AKT3: variants seen among roughly 807,000 people sequenced by gnomAD.
AKT3 encodes AKT serine/threonine kinase 3.
Under a neutral mutation model 65.3 loss-of-function variants are expected in AKT3, and 15 were observed. The ratio of observed to expected loss-of-function variants is 0.23; its 90% confidence interval spans 0.15 to 0.35. The LOEUF (loss-of-function observed/expected upper bound fraction) is 0.35, where lower values mean the gene tolerates loss of function less well. AKT3 is among the 10% of genes least tolerant of loss of function. The pLI, the probability that AKT3 is intolerant of heterozygous loss-of-function variation, is 1.00. For synonymous variants in AKT3, 206 were observed against 183.8 expected (o/e 1.12, Z -0.98); for missense variants, 243 against 576.5 (o/e 0.42, Z 5.92).
At chr1:243,498,890 T>C (rs1668756945), downstream of AKT3, among the ~76,000 whole-genome samples, 1 of 152,228 alleles carries the variant, frequency 6.6e-6, no homozygotes, top group Non-Finnish European at 1.5e-5. Context: ...TCCCAATTTA[T>C]CTGACGTAGA....
chr1:243,775,702 A>G (rs1690504638), intron 2 of AKT3, among the ~76,000 whole-genome samples: 1 of 152,230 alleles, frequency 6.6e-6, no homozygotes, highest in African/African-American at 2.4e-5. Context: ...TCCAAAGGCT[A>G]GAGAACAGAA....
chr1:243,544,771 A>C (rs1339322321), intron 12 of AKT3, among the ~76,000 whole-genome samples: 1 of 149,420 alleles, frequency 6.7e-6, no homozygotes, highest in African/African-American at 2.5e-5. Flanking sequence ...TGGTGTAATC[A>C]CAGCTCACTG....
chr1:243,838,511 C>A lies in AKT3; in HGVS notation c.46+4614G>T, dbSNP rs867398146. 2.0e-5 allele frequency among the ~76,000 whole-genome samples: 3 copies of A among 152,056 alleles called. No homozygotes were observed. In the Middle Eastern group the frequency reaches 0.01, roughly 517 times the overall value. ...ATGAACAAAAAAAAACACATGCATGCACAAAATAAAGGAGAAGAAAAGACC... is the reference window on the plus strand; with the variant it reads ...ATGAACAAAAAAAAACACATGCATGAACAAAATAAAGGAGAAGAAAAGACC... On this transcript the variant is annotated intron_variant, in intron 2 of 13. Coordinates refer to ENST00000673466, the MANE Select transcript of AKT3 (RefSeq NM_005465.7).
chr1:243,644,633 T>C (rs1572089523), intron 5 of AKT3, among the ~76,000 whole-genome samples: 1 of 152,226 alleles, frequency 6.6e-6, no homozygotes, highest in Non-Finnish European at 1.5e-5. Context: ...TAATTAAACA[T>C]AAACATCACT....
intron 2 of AKT3, among the ~76,000 whole-genome samples, chr1:243,801,095 CT>C (rs1278448163): frequency 6.6e-6 from 1 of 152,144 alleles, no homozygotes; most frequent in Non-Finnish European, 1.5e-5. Context: ...TTAAACTAGT[CT>C]TATTTTGCAG....
chr1:243,665,468 A>C (rs1682704188), intron 3 of AKT3, among the ~76,000 whole-genome samples: 1 of 152,200 alleles, frequency 6.6e-6, no homozygotes, highest in Admixed American at 6.5e-5. Flanking sequence ...AACTCTTAGT[A>C]TCCACTGCCC....
chr1:243,784,320 A>C (rs2148318175), intron 2 of AKT3, among the ~76,000 whole-genome samples: 1 of 152,096 alleles, frequency 6.6e-6, no homozygotes, highest in East Asian at 1.9e-4. Context: ...GCAGGGAATG[A>C]GGGGGTGAGT....
chr1:243,637,061 T>C (rs1031770309), intron 6 of AKT3, among the ~76,000 whole-genome samples: 4 of 152,166 alleles, frequency 2.6e-5, no homozygotes, highest in Non-Finnish European at 5.9e-5. Context: ...GGGATTTTGT[T>C]CAGAACTCTG....
intron 2 of AKT3, among the ~76,000 whole-genome samples, chr1:243,741,238 T>C (rs1203529546): frequency 6.6e-6 from 1 of 152,222 alleles, no homozygotes; most frequent in Admixed American, 6.5e-5. Flanking sequence ...ATTTTGTTAG[T>C]CTTTGTTGAT....
chr1:243,807,354 C>A (rs574031798), intron 2 of AKT3, among the ~76,000 whole-genome samples: 3 of 152,220 alleles, frequency 2.0e-5, no homozygotes, highest in Admixed American at 6.5e-5. Flanking sequence ...GCTTTTCCAA[C>A]GGACTTAGCA....
chr1:243,805,426 T>TA (rs1481723540), intron 2 of AKT3, among the ~76,000 whole-genome samples: 1 of 152,096 alleles, frequency 6.6e-6, no homozygotes, highest in East Asian at 1.9e-4. Context: ...TTCTCTAACT[T>TA]AAAAAAAATA....
intron 2 of AKT3, among the ~76,000 whole-genome samples, chr1:243,834,676 C>A (rs576204526): frequency 2.0e-5 from 3 of 151,682 alleles, no homozygotes; most frequent in Non-Finnish European, 2.9e-5. Flanking sequence ...TACCAAACCC[C>A]CTCAACACGC....
chr1:243,645,704 T>C (rs1353534412), intron 5 of AKT3, among the ~76,000 whole-genome samples, 189 bp downstream of exon 5: 1 of 152,222 alleles, frequency 6.6e-6, no homozygotes. Flanking sequence ...AAGTGCTGGA[T>C]CACTGAAACA....
chr1:243,492,006 C>T (rs1358165259), intron 13 of AKT3, among the ~76,000 whole-genome samples: 5 of 152,196 alleles, frequency 3.3e-5, no homozygotes, highest in Non-Finnish European at 5.9e-5. Context: ...CTTTCCTTCC[C>T]TCCCTGTCCT....
chr1:243,643,249 C>T (rs1367599131), intron 5 of AKT3, among the ~76,000 whole-genome samples: 1 of 152,136 alleles, frequency 6.6e-6, no homozygotes, highest in Non-Finnish European at 1.5e-5. Context: ...GTGATACAAT[C>T]CCAAGAACTG....
chr1:243,551,193 G>A (rs979546606), intron 11 of AKT3, among the ~76,000 whole-genome samples: 1 of 152,020 alleles, frequency 6.6e-6, no homozygotes, highest in Non-Finnish European at 1.5e-5. Flanking sequence ...GAGAGACCTT[G>A]AAGAAATCAC....
chr1:243,715,855 C>T (rs908650315), intron 2 of AKT3, among the ~76,000 whole-genome samples: 2 of 151,896 alleles, frequency 1.3e-5, no homozygotes, highest in Admixed American at 6.6e-5. Flanking sequence ...TATGTGTGTA[C>T]ACTGAATACT....
intron 13 of AKT3, among the ~76,000 whole-genome samples, chr1:243,512,093 T>C (rs553670167): frequency 6.6e-6 from 1 of 152,326 alleles, no homozygotes; most frequent in African/African-American, 2.4e-5. Context: ...TTTCTCTCTA[T>C]ATAATTTGTC....
chr1:243,635,036 T>C (rs1252955367), intron 6 of AKT3, among the ~76,000 whole-genome samples: 1 of 151,972 alleles, frequency 6.6e-6, no homozygotes, highest in Non-Finnish European at 1.5e-5. Flanking sequence ...TTCAAGTGCA[T>C]AGGGGACGTT....
Sources: allele counts gnomAD v4.1 joint callset (sites outside exome capture counted in the v4.1 genomes callset), GRCh38; gene constraint gnomAD v4.1.1; transcripts MANE v1.5; gene names NCBI Gene and HGNC (gene_info 2026-07-23, HGNC 2026-07-21).